Variants in KIAA1328 observed in about 807,000 individuals in gnomAD.
KIAA1328 encodes protein hinderin.
Under a neutral mutation model 68.1 loss-of-function variants are expected in KIAA1328, and 52 were observed. The observed-to-expected ratio is 0.76, with a 90% confidence interval of 0.61 to 0.96. The LOEUF (loss-of-function observed/expected upper bound fraction) is 0.96. Among genes scored for constraint, KIAA1328 ranks in the 40% least tolerant of loss-of-function variants. KIAA1328 has a pLI of 0.00. For missense variants in KIAA1328, 641 were observed against 677.6 expected, an observed-to-expected ratio of 0.95 and a Z score of 0.60; for synonymous variants, 232 against 239.4, an observed-to-expected ratio of 0.97 and a Z score of 0.28.
intron 6 of KIAA1328, among the ~76,000 whole-genome samples, chr18:37,016,210 A>G (rs2054147313): frequency 6.6e-6 from 1 of 152,084 alleles, no homozygotes; most frequent in Non-Finnish European, 1.5e-5. Context: ...TCATGGAGTG[A>G]TGTTGGATTT....
intron 6 of KIAA1328, among the ~76,000 whole-genome samples, chr18:37,025,395 TCCACCCCAAATCAACAG>T (rs2054530036): frequency 6.6e-6 from 1 of 152,132 alleles, no homozygotes; most frequent in Admixed American, 6.6e-5. Context: ...TACAGAACTC[TCCACCCCAAATCAACAG>T]AATATGCATT....
At chr18:37,116,852 A>G (rs572808262) in intron 7 of KIAA1328, among the ~76,000 whole-genome samples, 1 of 152,228 alleles carries the variant, frequency 6.6e-6, no homozygotes, top group Non-Finnish European at 1.5e-5. Context: ...TGGGTGAAGG[A>G]TATGAACAGA....
At chr18:36,993,754 G>A (rs896066675) in intron 6 of KIAA1328, among the ~76,000 whole-genome samples, 3 of 152,034 alleles carry the variant, frequency 2.0e-5, no homozygotes, top group South Asian at 4.1e-4. Context: ...AATTGTAACC[G>A]AAGAAAGAAA....
At chr18:37,151,356 G>A (rs2059024956) in intron 7 of KIAA1328, among the ~76,000 whole-genome samples, 1 of 152,060 alleles carries the variant, frequency 6.6e-6, no homozygotes, top group Non-Finnish European at 1.5e-5. Flanking sequence ...TTTCCAAACT[G>A]AGTCTTAGAT....
chr18:36,884,692 A>C (rs1489606582), intron 4 of KIAA1328, among the ~76,000 whole-genome samples: 1 of 152,194 alleles, frequency 6.6e-6, no homozygotes, highest in Admixed American at 6.5e-5. Flanking sequence ...GTTATCTTAT[A>C]GGATAAGTGC....
intron 6 of KIAA1328, among the ~76,000 whole-genome samples, chr18:37,015,410 A>G (rs1054663099): frequency 1.3e-5 from 2 of 152,136 alleles, no homozygotes; most frequent in East Asian, 1.9e-4. Context: ...TCCTTGTAGT[A>G]TAGTTTGAAG....
intron 6 of KIAA1328, among the ~76,000 whole-genome samples, chr18:37,040,163 A>T (rs1324619351): frequency 1.3e-5 from 2 of 152,224 alleles, no homozygotes; most frequent in African/African-American, 4.8e-5. Context: ...GACTAGGTCC[A>T]TCTGAATGAT....
intron 9 of KIAA1328, among the ~76,000 whole-genome samples, chr18:37,208,782 G>A (rs989125733): frequency 6.6e-6 from 1 of 152,206 alleles, no homozygotes; most frequent in Non-Finnish European, 1.5e-5. Context: ...TCTAAAAAGA[G>A]TGCACAATAT....
chr18:36,885,219 C>A (rs1030887736), intron 4 of KIAA1328, among the ~76,000 whole-genome samples: 1 of 151,876 alleles, frequency 6.6e-6, no homozygotes, highest in Non-Finnish European at 1.5e-5. Flanking sequence ...GTTTTGGTAA[C>A]AAAAAAATGA....
intron 9 of KIAA1328, among the ~76,000 whole-genome samples, chr18:37,176,869 C>T (rs776759990): frequency 4.2e-4 from 64 of 152,242 alleles, no homozygotes; most frequent in Admixed American, 8.5e-4. Context: ...TGATAATTAA[C>T]CATTTTGTGC....
At chr18:37,131,435 T>C (rs1328808915) in intron 7 of KIAA1328, among the ~76,000 whole-genome samples, 1 of 152,146 alleles carries the variant, frequency 6.6e-6, no homozygotes, top group African/African-American at 2.4e-5. Context: ...GTAAGAGAGG[T>C]TTGCATCTCC....
chr18:37,042,265 G>A (rs1425347222), intron 6 of KIAA1328, among the ~76,000 whole-genome samples: 4 of 151,650 alleles, frequency 2.6e-5, no homozygotes, highest in African/African-American at 9.7e-5. Context: ...TGTCTTATAA[G>A]GTAATTAAGA....
intron 5 of KIAA1328, among the ~76,000 whole-genome samples, chr18:36,947,429 A>C (rs1298253302): frequency 6.6e-6 from 1 of 152,188 alleles, no homozygotes; most frequent in Non-Finnish European, 1.5e-5. Context: ...TAAAGTGTAC[A>C]TTGATTCAGT....
chr18:37,029,856 A>G (rs370728755), intron 6 of KIAA1328, among the ~76,000 whole-genome samples: 13 of 152,206 alleles, frequency 8.5e-5, no homozygotes, highest in Non-Finnish European at 1.6e-4. Context: ...CTTTTTTGTG[A>G]GAATATTTTT....
intron 9 of KIAA1328, among the ~76,000 whole-genome samples, chr18:37,205,993 A>C (rs567166985): frequency 3.2e-4 from 49 of 152,314 alleles, no homozygotes; most frequent in Middle Eastern, 3.4e-3. Flanking sequence ...ATCATTCCTT[A>C]GTCCTTGCTT....
chr18:36,900,914 G>A (rs2049015520), intron 5 of KIAA1328, among the ~76,000 whole-genome samples: 1 of 151,940 alleles, frequency 6.6e-6, no homozygotes, highest in East Asian at 1.9e-4. Context: ...TAGATACAGA[G>A]CCTGTCTCTA....
intron 6 of KIAA1328, among the ~76,000 whole-genome samples, chr18:37,049,427 T>A (rs954862162): frequency 6.6e-6 from 1 of 152,210 alleles, no homozygotes; most frequent in Non-Finnish European, 1.5e-5. Flanking sequence ...TATTTCTAAA[T>A]AAAATATCTT....
chr18:37,010,216 G>T (rs994252291), intron 6 of KIAA1328, among the ~76,000 whole-genome samples: 7 of 151,794 alleles, frequency 4.6e-5, no homozygotes, highest in Non-Finnish European at 8.8e-5. Flanking sequence ...AGGCCGAGGC[G>T]GGCGGATCAC....
chr18:36,869,871 C>CT (rs34529045), intron 4 of KIAA1328, among the ~76,000 whole-genome samples: 86 of 149,006 alleles, frequency 5.8e-4, no homozygotes, highest in Admixed American at 1.6e-3. Flanking sequence ...AGTGTTTATT[C>CT]TTTTTTTTTT....
Sources: gnomAD v4.1 joint callset for allele counts (sites outside exome capture counted in the v4.1 genomes callset) on GRCh38, gnomAD v4.1.1 for gene constraint, MANE v1.5 for transcripts, NCBI Gene and HGNC (gene_info 2026-07-23, HGNC 2026-07-21) for gene names.